GALNT2: variants seen among roughly 807,000 people sequenced by gnomAD.
GALNT2 encodes the protein UDP-GalNAc:polypeptide N-acetylgalactosaminyltransferase 2.
In GALNT2, 31 loss-of-function variants were observed where a neutral mutation model predicts 81.4. The observed-to-expected ratio is 0.38, with a 90% CI of 0.29 to 0.51. GALNT2 has a LOEUF of 0.51. GALNT2 is among the 20% of genes least tolerant of loss of function. The pLI is 0.87. For missense variants in GALNT2, 629 were observed against 765.7 expected (o/e 0.82, Z 2.11); for synonymous variants, 303 against 287.4 (o/e 1.05, Z -0.55).
At chr1:230,149,908 G>A (rs1038440529) in intron 1 of GALNT2, among the ~76,000 whole-genome samples, 1 of 152,170 alleles carries the variant, frequency 6.6e-6, no homozygotes, top group Admixed American at 6.5e-5. Flanking sequence ...GGCTTCTCCG[G>A]TGGCCATCAG....
rs1218605907 is a variant in GALNT2 at position 230,281,466 on chromosome 1, G to A, written c.*2008G>A. On this transcript the variant is annotated 3_prime_UTR_variant, in exon 16 of 16. Transcript: ENST00000366672. ...GGGTGTGCGTAGCCCCCAGCACCCA[G>A]GTTCTTCTGTCAGACCCTGTGACCT... 5 of 152,088 alleles carry A rather than the reference G, an allele frequency of 3.3e-5. No homozygotes were observed. Among genetic ancestry groups the A allele is most frequent in the Non-Finnish European group, 7.3e-5 (5 of 68,104 alleles). 9.4% of individuals were successfully genotyped at this position (152,088 alleles called of 1,614,324 possible).
chr1:230,092,778 AGTATATTAT>A (rs1275014971), intron 1 of GALNT2, among the ~76,000 whole-genome samples: 2 of 152,228 alleles, frequency 1.3e-5, no homozygotes, highest in African/African-American at 4.8e-5. Context: ...TATAAGAGAA[AGTATATTAT>A]GTGTAAGCAC....
intron 1 of GALNT2, among the ~76,000 whole-genome samples, chr1:230,153,508 C>T (rs1430680624): frequency 6.6e-6 from 1 of 152,192 alleles, no homozygotes; most frequent in South Asian, 2.1e-4. Flanking sequence ...ACCCATAATG[C>T]TTTCTGTGTA....
intron 3 of GALNT2, among the ~76,000 whole-genome samples, chr1:230,232,005 G>A (rs1664880404): frequency 6.6e-6 from 1 of 152,178 alleles, no homozygotes; most frequent in Non-Finnish European, 1.5e-5. Context: ...AGTGCCCCTG[G>A]CAGCCAGCTC....
intron 11 of GALNT2, chr1:230,258,776 T>C (rs1665793039): frequency 6.6e-6 from 1 of 152,216 alleles, no homozygotes; most frequent in Non-Finnish European, 1.5e-5. Flanking sequence ...AAAATATGGA[T>C]ATATGTGCTT....
intron 1 of GALNT2, among the ~76,000 whole-genome samples, chr1:230,093,594 AC>A (rs535858745): frequency 1.5e-4 from 23 of 152,306 alleles, no homozygotes; most frequent in Non-Finnish European, 2.2e-4. Flanking sequence ...CTGTGAATCC[AC>A]CCTGGGCCGT....
intron 1 of GALNT2, among the ~76,000 whole-genome samples, chr1:230,119,124 C>G (rs1289653778): frequency 6.6e-6 from 1 of 152,180 alleles, no homozygotes; most frequent in Non-Finnish European, 1.5e-5. Context: ...AAATGTTATA[C>G]CTGTATTTAT....
intron 1 of GALNT2, among the ~76,000 whole-genome samples, chr1:230,168,885 T>A (rs1436463639): frequency 6.6e-6 from 1 of 152,240 alleles, no homozygotes; most frequent in Non-Finnish European, 1.5e-5. Context: ...CAACATCCCC[T>A]TGTGTTCTTT....
Position 230,249,261 on chromosome 1 carries a change from G to A in GALNT2, c.895G>A (p.Ala299Thr), listed in dbSNP as rs199925000. Reference sequence around the variant, plus strand: ...AAGGTCCCGGCAGGGGAACCCAGTCGCCCCTATAAAGTAAGTGCCAGCATC... The same window carrying A: ...AAGGTCCCGGCAGGGGAACCCAGTCACCCCTATAAAGTAAGTGCCAGCATC... ...QRRSRQGNPVAPIKTPMIAGG... is the reference protein window; with the variant it reads ...QRRSRQGNPVTPIKTPMIAGG... The change falls in exon 9 of 16, where the codon GCC becomes ACC. Residue 299 changes from alanine (A) to threonine (T), a missense_variant. Transcript: ENST00000366672. 405 of 1,613,744 alleles carry A rather than the reference G, an allele frequency of 2.5e-4. No individual in the cohort carries two copies. The highest frequency in any genetic ancestry group is 3.2e-4 in the Non-Finnish European group (380 of 1,179,904).
chr1:230,149,626 T>C (rs1230102259), intron 1 of GALNT2, among the ~76,000 whole-genome samples: 2 of 152,098 alleles, frequency 1.3e-5, no homozygotes, highest in African/African-American at 4.8e-5. Flanking sequence ...TTTGTGTGCG[T>C]CCTGCCACAG....
intron 3 of GALNT2, among the ~76,000 whole-genome samples, chr1:230,230,522 T>A (rs937322441): frequency 2.0e-5 from 3 of 152,178 alleles, no homozygotes; most frequent in African/African-American, 7.2e-5. Flanking sequence ...GATTTGCTCC[T>A]ACACAGGACT....
intron 14 of GALNT2, among the ~76,000 whole-genome samples, chr1:230,272,766 G>T (rs12045859): frequency 0.075 from 11,403 of 152,052 alleles, 834 homozygotes; most frequent in African/African-American, 0.18. Flanking sequence ...GGTTTGGTTC[G>T]GTTCGGTTCA....
chr1:230,235,912 T>C, intron 3 of GALNT2, 102 bp from the exon 4 acceptor site: 1 of 944,112 alleles, frequency 1.1e-6, no homozygotes, highest in South Asian at 1.5e-5. Context: ...AATCATAGCA[T>C]GTCCATCCCA....
At chr1:230,087,664 G>C (rs933286646) in intron 1 of GALNT2, among the ~76,000 whole-genome samples, 8 of 152,214 alleles carry the variant, frequency 5.3e-5, no homozygotes, top group Admixed American at 4.6e-4. Flanking sequence ...AGTCAGGTCT[G>C]GGGACAGCTG....
At chr1:230,203,077 C>T in intron 2 of GALNT2, 60 bp from the exon 3 acceptor site, 1 of 1,549,634 alleles carries the variant, frequency 6.5e-7, no homozygotes, top group South Asian at 1.2e-5. Flanking sequence ...ACTGCAGTCT[C>T]TGTGATGAGC....
intron 3 of GALNT2, among the ~76,000 whole-genome samples, 200 bp downstream of exon 3, chr1:230,203,490 G>C (rs1663971096): frequency 6.6e-6 from 1 of 152,220 alleles, no homozygotes; most frequent in African/African-American, 2.4e-5. Flanking sequence ...TTCAGCTCTA[G>C]TCTTTAGGTG....
At chr1:230,207,236 A>G (rs1664090637) in intron 3 of GALNT2, among the ~76,000 whole-genome samples, 1 of 152,076 alleles carries the variant, frequency 6.6e-6, no homozygotes, top group Non-Finnish European at 1.5e-5. Flanking sequence ...AGAATACAGG[A>G]GAAGGAAAGG....
intron 1 of GALNT2, among the ~76,000 whole-genome samples, chr1:230,069,266 T>TTTTGTTTTGTTTTGTTTTG (rs112582134): frequency 7.5e-4 from 111 of 148,816 alleles, no homozygotes; most frequent in African/African-American, 2.7e-3. Context: ...AGTTTGTTTT[T>TTTTGTTTTGTTTTGTTTTG]TTTTGTTTTG....
intron 11 of GALNT2, among the ~76,000 whole-genome samples, chr1:230,260,836 A>G (rs9432142): frequency 0.028 from 4,199 of 152,318 alleles, 114 homozygotes; most frequent in African/African-American, 0.072. Context: ...CAGTTGTGCC[A>G]TAACACTCTC....
Sources: gnomAD v4.1 joint callset for allele counts (sites outside exome capture counted in the v4.1 genomes callset) on GRCh38, gnomAD v4.1.1 for gene constraint, MANE v1.5 for transcripts, NCBI Gene and HGNC (gene_info 2026-07-23, HGNC 2026-07-21) for gene names.